ZNF578: variants seen among roughly 807,000 people sequenced by gnomAD.
ZNF578 encodes Putative chemokine-related protein B42.
A neutral mutation model predicts 8.3 loss-of-function variants in ZNF578; 8 were observed. The ratio of observed to expected loss-of-function variants is 0.96; its 90% CI spans 0.56 to 1.74. ZNF578 has a LOEUF of 1.74. Among genes scored for constraint, ZNF578 ranks in the 40% most tolerant of loss-of-function variants. ZNF578 has a pLI of 0.00. For missense variants in ZNF578, 726 were observed against 707.5 expected (o/e 1.03, Z -0.30); for synonymous variants, 206 against 232.2 (o/e 0.89, Z 1.03).
At position 52,512,012 on chromosome 19, in the gene ZNF578, G is replaced by C; in HGVS notation, c.1631G>C (p.Cys544Ser). Reference sequence around the variant, plus strand: ...GAGAAACCTTACAAATGTAAGGTTTGTGACAAGGCTTTCATGTGCCATTCT... The same window carrying C: ...GAGAAACCTTACAAATGTAAGGTTTCTGACAAGGCTTTCATGTGCCATTCT... Reference protein sequence around the residue: ...TGEKPYKCKVCDKAFMCHSYL... With the variant: ...TGEKPYKCKVSDKAFMCHSYL... Residue 544 changes from cysteine to serine, a missense_variant, in exon 6 of 6, where the codon TGT (cysteine) becomes TCT (serine). Physicochemically the swap from Cys to Ser is moderately radical, Grantham distance 112 (BLOSUM62 -1). Transcript: ENST00000421239. 1 of 1,614,102 alleles carries C rather than the reference G, an allele frequency of 6.2e-7. No individual in the cohort carries two copies. The highest frequency in any genetic ancestry group is 8.5e-7 in the Non-Finnish European group (1 of 1,180,010).
At chr19:52,497,692 C>T (rs1286456188) in intron 3 of ZNF578, among the ~76,000 whole-genome samples, 2 of 152,168 alleles carry the variant, frequency 1.3e-5, no homozygotes, top group African/African-American at 2.4e-5. Context: ...ACATTTTCTA[C>T]TATGTGATAT....
chr19:52,473,214 T>G (rs2059297564), intron 2 of ZNF578: 1 of 152,680 alleles, frequency 6.5e-6, no homozygotes, highest in Non-Finnish European at 1.5e-5. Flanking sequence ...GATGAAAAGT[T>G]TGCCATACTC....
intron 2 of ZNF578, among the ~76,000 whole-genome samples, chr19:52,468,304 ACACTT>A (rs771668108): frequency 1.3e-5 from 2 of 152,216 alleles, no homozygotes; most frequent in Non-Finnish European, 2.9e-5. Context: ...ATGTAAATAA[ACACTT>A]CACAATAATT....
In ZNF578 at chr19:52,513,155, G is replaced by A. The variant is rs1346499428; in HGVS notation, c.*1001G>A. On this transcript the variant is annotated 3_prime_UTR_variant, in exon 6 of 6. Transcript: ENST00000421239. ...TCTGCCTCAGCCTCCCTAGTTGCTG[G>A]GATTACAGGTATATGCCACGACGCC... is the stretch of plus-strand genomic sequence containing the variant. 6.6e-6 allele frequency among the ~76,000 whole-genome samples: 1 copy of A among 151,908 alleles called. No homozygotes were observed. The highest frequency in any genetic ancestry group is 1.5e-5 in the Non-Finnish European group (1 of 68,002).
chr19:52,499,126 T>C (rs1361159207), intron 3 of ZNF578, among the ~76,000 whole-genome samples: 2 of 152,192 alleles, frequency 1.3e-5, no homozygotes, highest in Admixed American at 6.5e-5. Flanking sequence ...CTGTGAGCCT[T>C]AGTGAGCCCA....
chr19:52,461,016 G>C (rs2059256292), intron 2 of ZNF578, among the ~76,000 whole-genome samples: 1 of 152,286 alleles, frequency 6.6e-6, no homozygotes, highest in South Asian at 2.1e-4. Flanking sequence ...ACACATTAAA[G>C]TAAAATTTGC....
rs11318311 is a variant in ZNF578 at position 52,513,337 on chromosome 19, C to CTTTT, written c.*1204_*1207dup. ...GCGCCTGGCATTGTTTCTTCTTTTC[C>CTTTT]TTTTTTTTTTTTTTTTTTTTTTTTG... On this transcript the variant is annotated 3_prime_UTR_variant, in exon 6 of 6. Transcript: ENST00000421239. Among the ~76,000 whole-genome samples the CTTTT allele has an allele frequency of 1.4e-3, 146 of 101,306 alleles. No individual in the cohort carries two copies. The highest frequency in any genetic ancestry group is 3.4e-3 in the African/African-American group (100 of 29,716). The allele number at this position is 101,306 out of a possible 152,430, so 66.5% of individuals were successfully genotyped here.
At chr19:52,503,745 A>G (rs1473826372) in intron 4 of ZNF578, among the ~76,000 whole-genome samples, 1 of 151,338 alleles carries the variant, frequency 6.6e-6, no homozygotes, top group East Asian at 1.9e-4. Context: ...ACTAAATATC[A>G]GCTCGTATGT....
intron 2 of ZNF578, among the ~76,000 whole-genome samples, chr19:52,472,171 A>T (rs1366459817): frequency 6.6e-6 from 1 of 152,128 alleles, no homozygotes; most frequent in Non-Finnish European, 1.5e-5. Context: ...CGGGTAGATC[A>T]CCTGAGGCCA....
chr19:52,466,306 G>C (rs1308057422), intron 2 of ZNF578, among the ~76,000 whole-genome samples: 1 of 152,196 alleles, frequency 6.6e-6, no homozygotes, highest in Non-Finnish European at 1.5e-5. Flanking sequence ...ACATTCCATT[G>C]CTTCAAAGGA....
chr19:52,466,026 C>T (rs183322495), intron 2 of ZNF578, among the ~76,000 whole-genome samples: 3 of 152,298 alleles, frequency 2.0e-5, no homozygotes, highest in Admixed American at 6.5e-5. Context: ...GTGGGGGCCA[C>T]GGGGCCAGAT....
chr19:52,483,900 C>T (rs899501698), intron 2 of ZNF578, among the ~76,000 whole-genome samples: 10 of 151,652 alleles, frequency 6.6e-5, no homozygotes, highest in South Asian at 2.1e-4. Context: ...TCAGGTGGAA[C>T]GAGAGACTTG....
intron 2 of ZNF578, chr19:52,458,468 T>TTATATATATGTA (rs2059246211): frequency 1.6e-5 from 2 of 121,752 alleles, no homozygotes; most frequent in African/African-American, 4.0e-5. Context: ...GCTACTATGT[T>TTATATATATGTA]TATATATATA....
chr19:52,503,878 A>G lies in ZNF578; in HGVS notation c.64-777A>G, dbSNP rs181264750. 1.4e-3 allele frequency among the ~76,000 whole-genome samples: 204 copies of G among 148,572 alleles called. 2 individuals carry two copies. In the East Asian group the frequency reaches 0.027, roughly 20 times the overall value. On this transcript the variant is annotated intron_variant, in intron 4 of 5. Transcript: ENST00000421239. ...AGTGGTGCAATCTCAGCTCACTGCA[A>G]CCTCCGCCTCCCGGATTCAAGCGAT...
intron 2 of ZNF578, chr19:52,473,407 C>A: frequency 5.9e-6 from 1 of 168,274 alleles, no homozygotes. Flanking sequence ...TGTAAGGTTT[C>A]TCTCCAGAAT....
intron 2 of ZNF578, among the ~76,000 whole-genome samples, chr19:52,472,217 C>A (rs2059294186): frequency 6.6e-6 from 1 of 152,120 alleles, no homozygotes; most frequent in Non-Finnish European, 1.5e-5. Flanking sequence ...ATGGTGAGAA[C>A]CCTAATGGTG....
chr19:52,489,444 T>G (rs1183182723), intron 2 of ZNF578, among the ~76,000 whole-genome samples: 1 of 151,044 alleles, frequency 6.6e-6, no homozygotes, highest in Non-Finnish European at 1.5e-5. Context: ...CAAAATTAGC[T>G]GGGTGTGGTG....
At position 52,479,408 on chromosome 19, in the gene ZNF578, G is replaced by A. The variant is rs1008528773; in HGVS notation, c.-121-11916G>A. On this transcript the variant is annotated intron_variant, in intron 2 of 5. Transcript: ENST00000421239. The stretch of plus-strand genomic sequence containing the variant: ...AAATTAGACGGGTGTGGTGGCGGGC[G>A]CCCGAAGTCCCACCTACTTGGGAGG... Among the ~76,000 whole-genome samples, 3 of 151,812 alleles carry A rather than the reference G, an allele frequency of 2.0e-5. 1 individual carries two copies. Among genetic ancestry groups the A allele is most frequent in the South Asian group, 4.2e-4 (2 of 4,798 alleles).
intron 3 of ZNF578, among the ~76,000 whole-genome samples, chr19:52,500,104 C>G (rs185124971): frequency 6.6e-6 from 1 of 152,278 alleles, no homozygotes; most frequent in East Asian, 1.9e-4. Flanking sequence ...CTGATATCAT[C>G]TTCTCCGGGT....
Sources: gnomAD v4.1 joint callset for allele counts (sites outside exome capture counted in the v4.1 genomes callset) on GRCh38, gnomAD v4.1.1 for gene constraint, MANE v1.5 for transcripts, NCBI Gene and HGNC (gene_info 2026-07-23, HGNC 2026-07-21) for gene names.